ADCY2: variants seen among roughly 807,000 people sequenced by gnomAD.
The protein encoded by ADCY2 is adenylate cyclase type 2.
A neutral mutation model predicts 125.2 loss-of-function variants in ADCY2; 31 were observed. That is an observed-to-expected ratio of 0.25 (90% confidence interval 0.19 to 0.33). The LOEUF (loss-of-function observed/expected upper bound fraction) is 0.33, where lower values mean the gene tolerates loss of function less well. Among genes scored for constraint, ADCY2 ranks in the 10% least tolerant of loss-of-function variants. The pLI is 1.00. For missense variants in ADCY2, 904 were observed against 1,418.2 expected, an observed-to-expected ratio of 0.64 and a Z score of 5.82; for synonymous variants, 512 against 548.4, an observed-to-expected ratio of 0.93 and a Z score of 0.93.
chr5:7,606,934 T>C (rs893821990), intron 3 of ADCY2, among the ~76,000 whole-genome samples: 1 of 152,172 alleles, frequency 6.6e-6, no homozygotes, highest in Non-Finnish European at 1.5e-5. Flanking sequence ...TTCCATCCCA[T>C]TCCCACCCCT....
chr5:7,492,924 G>A (rs1743215538), intron 2 of ADCY2, among the ~76,000 whole-genome samples: 2 of 152,054 alleles, frequency 1.3e-5, no homozygotes, highest in South Asian at 4.1e-4. Context: ...CCCCTGCTAA[G>A]GAAAAAGGAC....
At chr5:7,481,675 T>C (rs1293745784) in intron 2 of ADCY2, among the ~76,000 whole-genome samples, 1 of 152,170 alleles carries the variant, frequency 6.6e-6, no homozygotes, top group Non-Finnish European at 1.5e-5. Flanking sequence ...TTCTCTCCAA[T>C]AGAGTTGTTT....
chr5:7,528,616 TG>T (rs1238655571), intron 3 of ADCY2, among the ~76,000 whole-genome samples: 1 of 152,238 alleles, frequency 6.6e-6, no homozygotes, highest in Non-Finnish European at 1.5e-5. Context: ...ATCCTCTTCT[TG>T]ATTCCATCAT....
At chr5:7,427,801 A>G (rs1304137620) in intron 2 of ADCY2, among the ~76,000 whole-genome samples, 5 of 152,234 alleles carry the variant, frequency 3.3e-5, no homozygotes, top group African/African-American at 1.2e-4. Flanking sequence ...GAAGGAACTC[A>G]GATATGGGAA....
rs530409286 is a variant in ADCY2, at chr5:7,465,019, T to C, written c.408+50249T>C. ...CAGGCAAGAGAGAATGAGCGCCAAGTGAAAGGGGTTTCCCCTTATAAAACC... is the reference window on the plus strand; with the variant it reads ...CAGGCAAGAGAGAATGAGCGCCAAGCGAAAGGGGTTTCCCCTTATAAAACC... On this transcript the variant is annotated intron_variant, in intron 2 of 24. Transcript: ENST00000338316. 3.5e-3 allele frequency among the ~76,000 whole-genome samples: 530 copies of C among 152,208 alleles called. 4 individuals are homozygous for C. The highest frequency in any genetic ancestry group is 3.6e-3 in the Non-Finnish European group (244 of 68,018).
intron 15 of ADCY2, among the ~76,000 whole-genome samples, chr5:7,748,154 G>A (rs1742687427): frequency 6.6e-6 from 1 of 152,152 alleles, no homozygotes; most frequent in Non-Finnish European, 1.5e-5. Flanking sequence ...ACCATTGCCA[G>A]CTATTCTCAG....
At chr5:7,599,822 T>C (rs1375152663) in intron 3 of ADCY2, among the ~76,000 whole-genome samples, 1 of 151,984 alleles carries the variant, frequency 6.6e-6, no homozygotes, top group East Asian at 1.9e-4. Flanking sequence ...GAGGAAGGAA[T>C]TAGAAATGTC....
In ADCY2 at chr5:7,553,488, G is replaced by T. The variant is rs528256791; in HGVS notation, c.570+32589G>T. Among the ~76,000 whole-genome samples, 11 of 152,248 alleles carry T rather than the reference G, an allele frequency of 7.2e-5. No individual in the cohort carries two copies. The East Asian group carries it at 2.1e-3, about 29-fold the overall frequency. ...CCTTCTTTTCAGGCTTCCCAGAAAGGAAAAAGAAAGAAAAATAAGGAAAAA... is the reference window on the plus strand; with the variant it reads ...CCTTCTTTTCAGGCTTCCCAGAAAGTAAAAAGAAAGAAAAATAAGGAAAAA... On this transcript the variant is annotated intron_variant, in intron 3 of 24. Transcript: ENST00000338316.
chr5:7,699,096 T>TTTTTTTTG (rs1740992805), intron 7 of ADCY2, among the ~76,000 whole-genome samples: 1 of 113,896 alleles, frequency 8.8e-6, no homozygotes. Context: ...TTTTTTTTTT[T>TTTTTTTTG]TTTTTTTTTT....
intron 2 of ADCY2, among the ~76,000 whole-genome samples, chr5:7,505,903 A>C (rs1219895064): frequency 6.6e-6 from 1 of 152,230 alleles, no homozygotes; most frequent in Non-Finnish European, 1.5e-5. Context: ...GAATATGGAC[A>C]TGAATATTCA....
chr5:7,682,671 G>T (rs972097695), intron 4 of ADCY2, among the ~76,000 whole-genome samples: 25 of 152,266 alleles, frequency 1.6e-4, no homozygotes, highest in African/African-American at 5.3e-4. Context: ...TGCCCCTCTG[G>T]ACAGATCATA....
intron 16 of ADCY2, among the ~76,000 whole-genome samples, chr5:7,760,527 C>T (rs1016520226): frequency 6.6e-6 from 1 of 152,206 alleles, no homozygotes; most frequent in Non-Finnish European, 1.5e-5. Flanking sequence ...ATTGAGCACA[C>T]TTCCTGAGAG....
chr5:7,804,736 C>T, intron 22 of ADCY2, 44 bp downstream of exon 22: 1 of 1,497,912 alleles, frequency 6.7e-7, no homozygotes. Context: ...AGCCTCAACC[C>T]CATCCACAAA....
At chr5:7,446,676 G>A (rs972413037) in intron 2 of ADCY2, among the ~76,000 whole-genome samples, 12 of 152,072 alleles carry the variant, frequency 7.9e-5, no homozygotes, top group Admixed American at 5.2e-4. Context: ...TGCATTTATC[G>A]ATGCAGTCAG....
At chr5:7,798,920 G>A (rs191082615) in intron 20 of ADCY2, 2 of 152,256 alleles carry the variant, frequency 1.3e-5, no homozygotes, top group East Asian at 1.9e-4. Flanking sequence ...AGAGGACCTT[G>A]CATTACACAC....
At chr5:7,701,100 T>A (rs1741063037) in intron 7 of ADCY2, among the ~76,000 whole-genome samples, 1 of 146,002 alleles carries the variant, frequency 6.8e-6, no homozygotes, top group African/African-American at 2.7e-5. Context: ...AAAAAATATA[T>A]TTTTTTTTTC....
At chr5:7,471,554 A>G (rs1162647486) in intron 2 of ADCY2, among the ~76,000 whole-genome samples, 2 of 151,980 alleles carry the variant, frequency 1.3e-5, no homozygotes, top group African/African-American at 4.8e-5. Flanking sequence ...ATTTTTACCT[A>G]TGCTACAAAT....
chr5:7,587,173 C>T (rs1736657756), intron 3 of ADCY2, among the ~76,000 whole-genome samples: 1 of 152,126 alleles, frequency 6.6e-6, no homozygotes, highest in African/African-American at 2.4e-5. Flanking sequence ...CATACCATCA[C>T]TCGCAGGACT....
In ADCY2 at chr5:7,396,543, C is replaced by G; in HGVS notation, c.210+37C>G. 6.5e-7 allele frequency: 1 copy of G among 1,527,286 alleles called. No individual in the cohort carries two copies. The highest frequency in any genetic ancestry group is 8.8e-7 in the Non-Finnish European group (1 of 1,139,040). The allele number at this position is 1,527,286 out of a possible 1,614,324, so 94.6% of individuals were successfully genotyped here. A position where few individuals can be genotyped will look rare whatever the true frequency, so the allele number is the denominator to read the frequency against. On this transcript the variant is annotated intron_variant, in intron 1 of 24. Coordinates refer to ENST00000338316, the MANE Select transcript of ADCY2 (RefSeq NM_020546.3). This position sits in a 1 kb window ranked among gnomAD's most constrained non-coding sequence, Gnocchi z 5.7. ...CCCCGCGGGTCCAGCGCCGCGCCTTCCCCGGCCCTGAGAGGAGCCCGGCCA... is the reference window on the plus strand; with the variant it reads ...CCCCGCGGGTCCAGCGCCGCGCCTTGCCCGGCCCTGAGAGGAGCCCGGCCA...
Sources: allele counts gnomAD v4.1 joint callset (sites outside exome capture counted in the v4.1 genomes callset), GRCh38; gene constraint gnomAD v4.1.1; non-coding constraint Gnocchi (gnomAD v3.1); transcripts MANE v1.5; gene names NCBI Gene and HGNC (gene_info 2026-07-23, HGNC 2026-07-21).